The following CMYA5 variants were observed in gnomAD, a reference collection of about 807,000 sequenced individuals.
The protein encoded by CMYA5 is cardiomyopathy associated 5, also known as cardiomyopathy-associated protein 5.
Under a neutral mutation model 318.9 loss-of-function variants are expected in CMYA5, and 246 were observed. The observed-to-expected ratio is 0.77, with a 90% CI of 0.70 to 0.86. The LOEUF is 0.86. Among genes scored for constraint, CMYA5 ranks in the 40% least tolerant of loss-of-function variants. The probability of loss-of-function intolerance (pLI) is 0.00; values close to 1 mark genes in which losing one functional copy is unlikely to be tolerated. For synonymous variants in CMYA5, 1,641 were observed against 1,729.5 expected, an observed-to-expected ratio of 0.95 and a Z score of 1.27; for missense variants, 4,589 against 4,678.2, an observed-to-expected ratio of 0.98 and a Z score of 0.56.
rs1827939583 is a variant in CMYA5 at position 79,732,537 on chromosome 5, T to G, written c.3772T>G (p.Leu1258Val). 1.2e-6 allele frequency: 2 copies of G among 1,613,038 alleles called. No individual in the cohort carries two copies. The highest frequency in any genetic ancestry group is 1.7e-6 in the Non-Finnish European group (2 of 1,179,606). ...GCCAAAGAAGGGTGTCAAGCCCAAA[T>G]TAGTTCTAAATGTGACTTCTGAACT... Reference protein sequence around the residue: ...DEPKKGVKPKLVLNVTSELEQ... With the variant: ...DEPKKGVKPKVVLNVTSELEQ... Residue 1258 changes from leucine (L) to valine (V), a missense_variant, in exon 2 of 13, where the codon TTA becomes GTA. Transcript: ENST00000446378.
intron 5 of CMYA5, among the ~76,000 whole-genome samples, chr5:79,751,300 G>T (rs1009929668): frequency 6.6e-6 from 1 of 152,088 alleles, no homozygotes; most frequent in Non-Finnish European, 1.5e-5. Flanking sequence ...CTCCCACGGT[G>T]CCCTCTGGCC....
rs758920572 is a variant in CMYA5 at position 79,735,548 on chromosome 5, C to T, written c.6783C>T (p.Asn2261=). Reference sequence around the variant, plus strand: ...TAGTAAAATCTGGTGACGGTCAAAACGTTAAAGAAAAATCCATGATTTTAT... The same window carrying T: ...TAGTAAAATCTGGTGACGGTCAAAATGTTAAAGAAAAATCCATGATTTTAT... ...GTLVKSGDGQ[N]VKEKSMILSN... Residue 2261 remains asparagine, a synonymous_variant, in exon 2 of 13, where the codon AAC becomes AAT. Transcript: ENST00000446378. 49 of 1,612,348 alleles carry T rather than the reference C, an allele frequency of 3.0e-5. No individual in the cohort carries two copies. The Middle Eastern group carries it at 4.9e-4, about 16-fold the overall frequency.
rs1439148413 is a variant in CMYA5, at chr5:79,737,567, C to A, written c.8802C>A (p.Ala2934=). The change falls in exon 2 of 13, where the codon GCC becomes GCA. Residue 2934 remains alanine, a synonymous_variant. Coordinates refer to ENST00000446378, the MANE Select transcript of CMYA5 (RefSeq NM_153610.5). Reference sequence around the variant, plus strand: ...ACTTTACAGTGACTAGTAAGCCAGCCGGACTTTCAGAAGATCAGAAGACTG... The same window carrying A: ...ACTTTACAGTGACTAGTAAGCCAGCAGGACTTTCAGAAGATCAGAAGACTG... ...GEDFTVTSKP[A]GLSEDQKTAF... 2 of 1,613,590 alleles carry A rather than the reference C, an allele frequency of 1.2e-6. No individual in the cohort carries two copies. Among genetic ancestry groups the A allele is most frequent in the Admixed American group, 1.7e-5 (1 of 59,948 alleles).
At position 79,733,704 on chromosome 5, in the gene CMYA5, A is replaced by C. The variant is rs776748328; in HGVS notation, c.4939A>C (p.Arg1647=). The change falls in exon 2 of 13, where the codon AGA becomes CGA. Residue 1647 remains arginine (R), a synonymous_variant. Transcript: ENST00000446378. ...GTCAGAATTTTCTAGTGATTTAGGTAGACAAAGTGGATCCATAGGTACAAA... is the reference window on the plus strand; with the variant it reads ...GTCAGAATTTTCTAGTGATTTAGGTCGACAAAGTGGATCCATAGGTACAAA... The part of the protein sequence containing the change: ...AGSEFSSDLG[R]QSGSIGTKQA... The C allele has an allele frequency of 2.5e-6, 4 of 1,613,924 alleles. No homozygotes were observed. The East Asian group carries it at 8.9e-5, about 36-fold the overall frequency.
intron 1 of CMYA5, among the ~76,000 whole-genome samples, chr5:79,701,454 T>C (rs1827173557): frequency 6.6e-6 from 1 of 152,192 alleles, no homozygotes. Context: ...AATGATCACA[T>C]GTACTGAGAA....
Position 79,747,109 on chromosome 5 carries a change from GA to G in CMYA5, c.10990del (p.Arg3664GlyfsTer12). The G allele has an allele frequency of 6.5e-7, 1 of 1,544,184 alleles. No homozygotes were observed. Among genetic ancestry groups the G allele is most frequent in the Non-Finnish European group, 8.8e-7 (1 of 1,141,274 alleles). On this transcript the variant is annotated frameshift_variant, in exon 5 of 13. Transcript: ENST00000446378. LOFTEE classifies it high-confidence loss of function. ...VFLTSFEEIN[E>X]RLLSAMESTA... ...CCCTAAGTCGTTTGAGGAAATCAATGAAAGGTATATAAAACATGATACAATG... is the reference window on the plus strand; with the variant it reads ...CCCTAAGTCGTTTGAGGAAATCAATGAAGGTATATAAAACATGATACAATG...
intron 5 of CMYA5, among the ~76,000 whole-genome samples, chr5:79,749,656 C>T (rs1308619068): frequency 6.6e-6 from 1 of 151,976 alleles, no homozygotes; most frequent in African/African-American, 2.4e-5. Context: ...ATAAAATATA[C>T]ACAAATCTAT....
chr5:79,723,753 C>T (rs1187621654), intron 1 of CMYA5, among the ~76,000 whole-genome samples: 2 of 149,462 alleles, frequency 1.3e-5, no homozygotes, highest in African/African-American at 5.0e-5. Flanking sequence ...CAGAGCGAGT[C>T]CCTGTCTCAA....
At chr5:79,746,757 TAGAG>T (rs1282774007) in intron 4 of CMYA5, among the ~76,000 whole-genome samples, 1 of 152,138 alleles carries the variant, frequency 6.6e-6, no homozygotes, top group African/African-American at 2.4e-5. Context: ...GGTTGATGAA[TAGAG>T]AGAAGCAGAG....
rs565803032 is a variant in CMYA5 at position 79,765,670 on chromosome 5, A to G, written c.11555+2461A>G. On this transcript the variant is annotated intron_variant, in intron 9 of 12. Transcript: ENST00000446378. ...TGTGTTCTTTCTTATTTCTTTGAGCAGTGGTTTGTAGTTCTCCTTGAAGAG... is the reference window on the plus strand; with the variant it reads ...TGTGTTCTTTCTTATTTCTTTGAGCGGTGGTTTGTAGTTCTCCTTGAAGAG... Among the ~76,000 whole-genome samples the G allele has an allele frequency of 3.9e-5, 6 of 152,274 alleles. No homozygotes were observed. In the East Asian group the frequency reaches 1.2e-3, roughly 29 times the overall value.
chr5:79,695,584 T>G (rs1827052859), intron 1 of CMYA5, among the ~76,000 whole-genome samples: 1 of 152,232 alleles, frequency 6.6e-6, no homozygotes. Context: ...AGAAATCTGT[T>G]AGCTTCATTG....
intron 11 of CMYA5, among the ~76,000 whole-genome samples, chr5:79,792,161 C>T (rs1187045136): frequency 1.3e-5 from 2 of 152,230 alleles, no homozygotes; most frequent in African/African-American, 4.8e-5. Context: ...ACCCTTTGAT[C>T]TTACCTGTGT....
intron 1 of CMYA5, among the ~76,000 whole-genome samples, chr5:79,699,720 G>T (rs1045323187): frequency 1.3e-5 from 2 of 152,168 alleles, no homozygotes; most frequent in African/African-American, 4.8e-5. Context: ...ACTGATAACT[G>T]CAGGAAGGGG....
chr5:79,744,246 A>G (rs1009949172), intron 3 of CMYA5, among the ~76,000 whole-genome samples: 5 of 152,150 alleles, frequency 3.3e-5, no homozygotes, highest in Non-Finnish European at 5.9e-5. Context: ...TATTGTTCCA[A>G]TTGTATAGAT....
chr5:79,769,619 C>T (rs1222447670), intron 9 of CMYA5, among the ~76,000 whole-genome samples: 1 of 152,130 alleles, frequency 6.6e-6, no homozygotes, highest in Non-Finnish European at 1.5e-5. Context: ...GCCTGGGTAT[C>T]ACAAGCAGAG....
In CMYA5 at chr5:79,718,129, C is replaced by T. The variant is rs1274142634; in HGVS notation, c.150-10786C>T. Among the ~76,000 whole-genome samples, 9 of 48,036 alleles carry T rather than the reference C, an allele frequency of 1.9e-4. 1 individual carries two copies. The highest frequency in any genetic ancestry group is 1.5e-3 in the South Asian group (3 of 1,936). 31.5% of individuals were successfully genotyped at this position (48,036 alleles called of 152,430 possible). ...GTCTCGATCTCCTGACCTCGTGATC[C>T]GCCCGCCTCGGCCTCCCAAAGTGCT... On this transcript the variant is annotated intron_variant, in intron 1 of 12. Coordinates refer to ENST00000446378, the MANE Select transcript of CMYA5 (RefSeq NM_153610.5).
intron 1 of CMYA5, among the ~76,000 whole-genome samples, chr5:79,708,429 G>A (rs780286478): frequency 6.6e-6 from 1 of 152,030 alleles, no homozygotes; most frequent in African/African-American, 2.4e-5. Context: ...AGATCATCCT[G>A]GCTAACACAG....
At chr5:79,697,535 G>A (rs1827091441) in intron 1 of CMYA5, among the ~76,000 whole-genome samples, 2 of 152,168 alleles carry the variant, frequency 1.3e-5, no homozygotes, top group African/African-American at 4.8e-5. Context: ...TCTCTTCCAA[G>A]CACTATCACT....
intron 1 of CMYA5, among the ~76,000 whole-genome samples, chr5:79,726,091 G>A (rs1056071230): frequency 6.6e-6 from 1 of 152,118 alleles, no homozygotes; most frequent in Admixed American, 6.5e-5. Context: ...ATGAAAATGA[G>A]TAAGCAACGA....
Sources: allele counts gnomAD v4.1 joint callset (sites outside exome capture counted in the v4.1 genomes callset), GRCh38; gene constraint gnomAD v4.1.1; transcripts MANE v1.5; gene names NCBI Gene and HGNC (gene_info 2026-07-23, HGNC 2026-07-21).